The following ZNF385B variants were observed in gnomAD, a reference collection of about 807,000 sequenced individuals.
The protein encoded by ZNF385B is zinc finger protein 385B, also known as zinc finger protein 533.
Under a neutral mutation model 39.2 loss-of-function variants are expected in ZNF385B, and 23 were observed. That is an observed-to-expected ratio of 0.59 (90% CI 0.42 to 0.83). The LOEUF is 0.83. Among genes scored for constraint, ZNF385B ranks in the 40% least tolerant of loss-of-function variants. The pLI, the probability that ZNF385B is intolerant of heterozygous loss-of-function variation, is 0.00. For synonymous variants in ZNF385B, 205 were observed against 222.6 expected, an observed-to-expected ratio of 0.92 and a Z score of 0.70; for missense variants, 552 against 598.9, an observed-to-expected ratio of 0.92 and a Z score of 0.82.
intron 3 of ZNF385B, among the ~76,000 whole-genome samples, chr2:179,619,404 G>A (rs542985870): frequency 7.2e-5 from 11 of 151,926 alleles, no homozygotes; most frequent in Admixed American, 2.0e-4. Flanking sequence ...TTTAACTTTC[G>A]AATTCAACAT....
intron 3 of ZNF385B, among the ~76,000 whole-genome samples, chr2:179,741,644 A>G (rs944511360): frequency 6.6e-6 from 1 of 152,132 alleles, no homozygotes; most frequent in African/African-American, 2.4e-5. Flanking sequence ...CACAATTAAT[A>G]TTATATTAAT....
chr2:179,812,777 T>C (rs191646177), intron 1 of ZNF385B, among the ~76,000 whole-genome samples: 23 of 152,324 alleles, frequency 1.5e-4, no homozygotes, highest in African/African-American at 5.3e-4. Flanking sequence ...CACATTTATA[T>C]ATTTCCAAAG....
chr2:179,849,283 T>G (rs1214955542), intron 1 of ZNF385B, among the ~76,000 whole-genome samples: 1 of 152,196 alleles, frequency 6.6e-6, no homozygotes, highest in Non-Finnish European at 1.5e-5. Context: ...AACGAGGTTA[T>G]GAATTACAGA....
At chr2:179,656,200 A>G (rs911405173) in intron 3 of ZNF385B, among the ~76,000 whole-genome samples, 1 of 152,154 alleles carries the variant, frequency 6.6e-6, no homozygotes, top group Non-Finnish European at 1.5e-5. Flanking sequence ...AAAAGATGCA[A>G]CAAATAAAAT....
In ZNF385B at chr2:179,550,059, ATTTTAAAAG is replaced by A. The variant is rs560185009; in HGVS notation, c.299-5099_299-5091del. On this transcript the variant is annotated intron_variant, in intron 3 of 9. Coordinates refer to ENST00000410066, the MANE Select transcript of ZNF385B (RefSeq NM_152520.6). The stretch of plus-strand genomic sequence containing the variant: ...ATGTTGCAGGGGCACTTATTAAAAT[ATTTTAAAAG>A]TTTTGCTTTAAACTCTTAGCTAAAT... 8.7e-5 allele frequency among the ~76,000 whole-genome samples: 13 copies of A among 149,628 alleles called. 1 individual carries two copies. In the East Asian group the frequency reaches 2.5e-3, roughly 29 times the overall value.
In ZNF385B at chr2:179,644,478, A is replaced by G. The variant is rs571326874; in HGVS notation, c.299-99509T>C. 2.0e-5 allele frequency among the ~76,000 whole-genome samples: 3 copies of G among 152,304 alleles called. No individual in the cohort carries two copies. In the East Asian group the frequency reaches 5.8e-4, roughly 29 times the overall value. ...ATCAACTTGTTGATATTTACCAAAA[A>G]TAGATGTAACAGAAAAGCTGCCCTT... On this transcript the variant is annotated intron_variant, in intron 3 of 9. Transcript: ENST00000410066.
chr2:179,751,734 T>G (rs1325593258), intron 3 of ZNF385B, among the ~76,000 whole-genome samples: 2 of 151,926 alleles, frequency 1.3e-5, no homozygotes, highest in East Asian at 3.9e-4. Flanking sequence ...AAAATAAAAT[T>G]ATGTATAACA....
chr2:179,599,170 A>C lies in ZNF385B; in HGVS notation c.299-54201T>G, dbSNP rs183953386. Reference sequence around the variant, plus strand: ...ACCTTTTCTATGCTTAGATACACCAAAGTTTCTGGATTTAGAAACAGAGGT... The same window carrying C: ...ACCTTTTCTATGCTTAGATACACCACAGTTTCTGGATTTAGAAACAGAGGT... On this transcript the variant is annotated intron_variant, in intron 3 of 9. Coordinates refer to ENST00000410066, the MANE Select transcript of ZNF385B (RefSeq NM_152520.6). Among the ~76,000 whole-genome samples, 305 of 152,302 alleles carry C rather than the reference A, an allele frequency of 2.0e-3. 1 individual carries two copies. Among genetic ancestry groups the C allele is most frequent in the Middle Eastern group, 0.014 (4 of 294 alleles).
At chr2:179,515,583 A>C (rs1195173466) in intron 5 of ZNF385B, among the ~76,000 whole-genome samples, 1 of 152,214 alleles carries the variant, frequency 6.6e-6, no homozygotes. Flanking sequence ...GCAATACTGT[A>C]AAATTTACTT....
At chr2:179,790,624 C>A (rs536632255) in intron 1 of ZNF385B, among the ~76,000 whole-genome samples, 31 of 152,304 alleles carry the variant, frequency 2.0e-4, no homozygotes, top group African/African-American at 7.0e-4. Context: ...CTAAGCCATT[C>A]TCCTACTAGG....
chr2:179,648,656 T>C (rs1291416010), intron 3 of ZNF385B, among the ~76,000 whole-genome samples: 2 of 151,978 alleles, frequency 1.3e-5, no homozygotes, highest in Non-Finnish European at 2.9e-5. Flanking sequence ...ATAAGGAAAG[T>C]ACAAAATGAG....
intron 3 of ZNF385B, among the ~76,000 whole-genome samples, chr2:179,586,838 A>G (rs1007582150): frequency 2.0e-5 from 3 of 152,124 alleles, no homozygotes; most frequent in Non-Finnish European, 4.4e-5. Flanking sequence ...GGAGTTCGAG[A>G]CCAGCCTGAT....
At chr2:179,815,469 A>G (rs1296904037) in intron 1 of ZNF385B, among the ~76,000 whole-genome samples, 2 of 148,596 alleles carry the variant, frequency 1.3e-5, no homozygotes, top group Admixed American at 1.4e-4. Flanking sequence ...GCAGGAGCTA[A>G]TTGAAAATAG....
intron 1 of ZNF385B, among the ~76,000 whole-genome samples, chr2:179,800,395 A>T (rs2106553633): frequency 6.6e-6 from 1 of 152,176 alleles, no homozygotes; most frequent in South Asian, 2.1e-4. Context: ...AAAATTGTTC[A>T]TTCTTGCCTA....
At position 179,770,544 on chromosome 2, in the gene ZNF385B, C is replaced by T. The variant is rs1311205007; in HGVS notation, c.-26G>A. The stretch of plus-strand genomic sequence containing the variant: ...ACATTGGGTTGTGTTCTAAAAGTCC[C>T]TTTATAAGTCAGCTGACAGGAATTT... On this transcript the variant is annotated 5_prime_UTR_variant, in exon 2 of 10. Coordinates refer to ENST00000410066, the MANE Select transcript of ZNF385B (RefSeq NM_152520.6). The T allele has an allele frequency of 1.3e-5, 2 of 152,180 alleles. No homozygotes were observed. Among genetic ancestry groups the T allele is most frequent in the South Asian group, 2.1e-4 (1 of 4,828 alleles). 9.4% of individuals were successfully genotyped at this position (152,180 alleles called of 1,614,324 possible).
chr2:179,834,638 C>T (rs1372626243), intron 1 of ZNF385B, among the ~76,000 whole-genome samples: 1 of 152,102 alleles, frequency 6.6e-6, no homozygotes, highest in African/African-American at 2.4e-5. Context: ...ATAGTAACAA[C>T]TGATTCTGGA....
intron 3 of ZNF385B, among the ~76,000 whole-genome samples, chr2:179,555,840 TC>T (rs1199322213): frequency 6.7e-6 from 1 of 149,216 alleles, no homozygotes; most frequent in Non-Finnish European, 1.5e-5. Context: ...TGCCTGAATT[TC>T]CCTTAGGGAA....
chr2:179,852,090 C>G (rs1684217730), intron 1 of ZNF385B, among the ~76,000 whole-genome samples: 1 of 152,220 alleles, frequency 6.6e-6, no homozygotes, highest in Non-Finnish European at 1.5e-5. Context: ...GAGGAGGTCT[C>G]TGCCAGGGCA....
At chr2:179,621,461 A>G (rs7570466) in intron 3 of ZNF385B, among the ~76,000 whole-genome samples, 57,953 of 152,052 alleles carry the variant, frequency 0.38, 11,514 homozygotes, top group Non-Finnish European at 0.43. Flanking sequence ...ATTTGGGAAG[A>G]GGGAGCCGTG....
Sources: gnomAD v4.1 joint callset for allele counts (sites outside exome capture counted in the v4.1 genomes callset) on GRCh38, gnomAD v4.1.1 for gene constraint, MANE v1.5 for transcripts, NCBI Gene and HGNC (gene_info 2026-07-23, HGNC 2026-07-21) for gene names.